Variants in OR2M4 observed in about 807,000 individuals in gnomAD.
OR2M4 encodes olfactory receptor family 2 subfamily M member 4.
A neutral mutation model predicts 13.7 loss-of-function variants in OR2M4; 8 were observed. The ratio of observed to expected loss-of-function variants is 0.58; its 90% CI spans 0.34 to 1.05. OR2M4 has a LOEUF of 1.05. Ranked by LOEUF, OR2M4 falls within the 50% of genes least tolerant of loss-of-function variation. The probability of loss-of-function intolerance (pLI) is 0.02; values close to 1 mark genes in which losing one functional copy is unlikely to be tolerated. For missense variants in OR2M4, 374 were observed against 381.6 expected, an observed-to-expected ratio of 0.98 and a Z score of 0.17; for synonymous variants, 152 against 141.3, an observed-to-expected ratio of 1.08 and a Z score of -0.53.
chr1:248,235,412 G>C (rs988112956), intron 1 of OR2M4, among the ~76,000 whole-genome samples: 1 of 152,148 alleles, frequency 6.6e-6, no homozygotes. Context: ...CTGTAGCCTT[G>C]TAGTAAAGTT....
At position 248,243,543 on chromosome 1, in the gene OR2M4, A is replaced by C. The variant is rs1666637347; in HGVS notation, c.*3679A>C. ...GGCAGAGGCCACAGCAGAGAGAGCT[A>C]CCTTTCAGCATGTACAGAAATTAAC... On this transcript the variant is annotated 3_prime_UTR_variant, in exon 2 of 2. Coordinates refer to ENST00000641868, the MANE Select transcript of OR2M4 (RefSeq NM_017504.2). The C allele has an allele frequency of 6.6e-6, 1 of 152,228 alleles. No homozygotes were observed. The highest frequency in any genetic ancestry group is 6.5e-5 in the Admixed American group (1 of 15,282). The allele number at this position is 152,228 out of a possible 1,614,324, so 9.4% of individuals were successfully genotyped here.
At chr1:248,231,831 T>C (rs1666508431) in intron 1 of OR2M4, among the ~76,000 whole-genome samples, 1 of 152,160 alleles carries the variant, frequency 6.6e-6, no homozygotes, top group Non-Finnish European at 1.5e-5. Flanking sequence ...ACTCTCTTTC[T>C]GTTTCATACT....
chr1:248,240,004 A>T lies in OR2M4; in HGVS notation c.*140A>T. 1 of 580,120 alleles carries T rather than the reference A, an allele frequency of 1.7e-6. No individual in the cohort carries two copies. Among genetic ancestry groups the T allele is most frequent in the Non-Finnish European group, 2.9e-6 (1 of 339,482 alleles). The allele number at this position is 580,120 out of a possible 1,614,324, so 35.9% of individuals were successfully genotyped here. ...CTTTTCAAAATTATCTATTCAGTAT[A>T]TTATTACATATACATCGTTTGTATA... is the stretch of plus-strand genomic sequence containing the variant. On this transcript the variant is annotated 3_prime_UTR_variant, in exon 2 of 2. Transcript: ENST00000641868.
At chr1:248,233,344 G>A (rs4474292) in intron 1 of OR2M4, among the ~76,000 whole-genome samples, 105,931 of 152,008 alleles carry the variant, frequency 0.7, 37,761 homozygotes, top group South Asian at 0.89. Context: ...TACTTGGTTT[G>A]ATGTACAAAT....
chr1:248,235,946 A>G (rs946058975), intron 1 of OR2M4, among the ~76,000 whole-genome samples: 8 of 152,142 alleles, frequency 5.3e-5, no homozygotes, highest in South Asian at 2.1e-4. Context: ...ATCTGCAAAC[A>G]GAGACAATTT....
intron 1 of OR2M4, 111 bp downstream of exon 1, chr1:248,231,691 T>A (rs1451656125): frequency 1.3e-5 from 2 of 152,106 alleles, no homozygotes; most frequent in African/African-American, 4.8e-5. Flanking sequence ...ATTAAAAAGC[T>A]TTTGGAACAC....
rs1666629525 is a variant in OR2M4 at position 248,242,687 on chromosome 1, C to G, written c.*2823C>G. The G allele has an allele frequency of 6.6e-6, 1 of 152,144 alleles. No individual in the cohort carries two copies. 9.4% of individuals were successfully genotyped at this position (152,144 alleles called of 1,614,324 possible). A position where few individuals can be genotyped will look rare whatever the true frequency, so the allele number is the denominator to read the frequency against. ...GATTTACATTTTGTCAGCAACATCACACCTTATGTGAAACAGGTAAATTTA... is the reference window on the plus strand; with the variant it reads ...GATTTACATTTTGTCAGCAACATCAGACCTTATGTGAAACAGGTAAATTTA... On this transcript the variant is annotated 3_prime_UTR_variant, in exon 2 of 2. Coordinates refer to ENST00000641868, the MANE Select transcript of OR2M4 (RefSeq NM_017504.2).
At chr1:248,235,815 G>A (rs1666551195) in intron 1 of OR2M4, among the ~76,000 whole-genome samples, 1 of 152,022 alleles carries the variant, frequency 6.6e-6, no homozygotes, top group Non-Finnish European at 1.5e-5. Context: ...TATTGTTGGT[G>A]CATAGGAATG....
Position 248,233,249 on chromosome 1 carries a change from A to G in OR2M4, c.-20+1669A>G, listed in dbSNP as rs77721733. Reference sequence around the variant, plus strand: ...GCAAAAGGATTTCAAACTAGTTTTCACTTTATAAATAAAGTGTTGTGATAG... The same window carrying G: ...GCAAAAGGATTTCAAACTAGTTTTCGCTTTATAAATAAAGTGTTGTGATAG... On this transcript the variant is annotated intron_variant, in intron 1 of 1. Transcript: ENST00000641868. Among the ~76,000 whole-genome samples, 662 of 152,268 alleles carry G rather than the reference A, an allele frequency of 4.3e-3. 4 individuals carry two copies. The highest frequency in any genetic ancestry group is 0.015 in the African/African-American group (616 of 41,550).
At position 248,240,586 on chromosome 1, in the gene OR2M4, T is replaced by C. The variant is rs1666609061; in HGVS notation, c.*722T>C. 1 of 152,212 alleles carries C rather than the reference T, an allele frequency of 6.6e-6. No individual in the cohort carries two copies. Among genetic ancestry groups the C allele is most frequent in the South Asian group, 2.1e-4 (1 of 4,832 alleles). 9.4% of individuals were successfully genotyped at this position (152,212 alleles called of 1,614,324 possible). On this transcript the variant is annotated 3_prime_UTR_variant, in exon 2 of 2. Transcript: ENST00000641868. ...AGAATCTGAAGGCAGAGCAAGATGA[T>C]GGAATAGAAGGCTCCACTGATCGTT...
intron 1 of OR2M4, among the ~76,000 whole-genome samples, chr1:248,235,809 G>T (rs1044449263): frequency 6.6e-6 from 1 of 152,050 alleles, no homozygotes; most frequent in Admixed American, 6.6e-5. Flanking sequence ...CTTGTCTATT[G>T]TTGGTGCATA....
Position 248,244,166 on chromosome 1 carries a change from G to A in OR2M4, c.*4302G>A, listed in dbSNP as rs1195948925. 6.6e-6 allele frequency: 1 copy of A among 152,112 alleles called. No individual in the cohort carries two copies. The highest frequency in any genetic ancestry group is 2.4e-5 in the African/African-American group (1 of 41,416). The allele number at this position is 152,112 out of a possible 1,614,324, so 9.4% of individuals were successfully genotyped here. ...AGATTTCTCGAAGAACTTAAAACAG[G>A]GCTGCTACTTGACCCAGGAATGCTA... On this transcript the variant is annotated 3_prime_UTR_variant, in exon 2 of 2. Coordinates refer to ENST00000641868, the MANE Select transcript of OR2M4 (RefSeq NM_017504.2).
rs1312035331 is a variant in OR2M4 at position 248,241,892 on chromosome 1, G to GTAAA, written c.*2044_*2047dup. The GTAAA allele has an allele frequency of 3.3e-5, 5 of 152,150 alleles. No homozygotes were observed. The highest frequency in any genetic ancestry group is 6.6e-5 in the Admixed American group (1 of 15,258). The allele number at this position is 152,150 out of a possible 1,614,324, so 9.4% of individuals were successfully genotyped here. On this transcript the variant is annotated 3_prime_UTR_variant, in exon 2 of 2. Transcript: ENST00000641868. Reference sequence around the variant, plus strand: ...GCAACAAAAGCAAAACTCCATCTCAGTAAATAAATAAATAAATAATTTCTG... The same window carrying GTAAA: ...GCAACAAAAGCAAAACTCCATCTCAGTAAATAAATAAATAAATAAATAATTTCTG...
At chr1:248,238,195 A>G (rs1470714413) in intron 1 of OR2M4, among the ~76,000 whole-genome samples, 1 of 152,214 alleles carries the variant, frequency 6.6e-6, no homozygotes, top group African/African-American at 2.4e-5. Context: ...ATAAACAAAC[A>G]AAAAATGCAG....
At chr1:248,237,031 G>GA (rs1231293854) in intron 1 of OR2M4, among the ~76,000 whole-genome samples, 2 of 151,836 alleles carry the variant, frequency 1.3e-5, no homozygotes, top group Non-Finnish European at 2.9e-5. Flanking sequence ...CCAAACAATT[G>GA]AAAAAAGGGG....
Position 248,240,012 on chromosome 1 carries a change from A to G in OR2M4, c.*148A>G. On this transcript the variant is annotated 3_prime_UTR_variant, in exon 2 of 2. Coordinates refer to ENST00000641868, the MANE Select transcript of OR2M4 (RefSeq NM_017504.2). ...AATTATCTATTCAGTATATTATTAC[A>G]TATACATCGTTTGTATACTAAGCTA... The G allele has an allele frequency of 1.8e-6, 1 of 562,856 alleles. No individual in the cohort carries two copies. The highest frequency in any genetic ancestry group is 3.0e-5 in the East Asian group (1 of 33,678). 34.9% of individuals were successfully genotyped at this position (562,856 alleles called of 1,614,324 possible). A position where few individuals can be genotyped will look rare whatever the true frequency, so the allele number is the denominator to read the frequency against.
intron 1 of OR2M4, among the ~76,000 whole-genome samples, chr1:248,238,152 T>C (rs1260997039): frequency 6.6e-6 from 1 of 152,156 alleles, no homozygotes; most frequent in Non-Finnish European, 1.5e-5. Flanking sequence ...TGTATCAACT[T>C]AATAAAATTA....
At chr1:248,234,959 G>A (rs1666543307) in intron 1 of OR2M4, among the ~76,000 whole-genome samples, 1 of 152,026 alleles carries the variant, frequency 6.6e-6, no homozygotes, top group Non-Finnish European at 1.5e-5. Flanking sequence ...TAGGTTGCCT[G>A]TTTGCTCTGA....
chr1:248,231,989 T>C (rs982001458), intron 1 of OR2M4, among the ~76,000 whole-genome samples: 3 of 152,188 alleles, frequency 2.0e-5, no homozygotes, highest in African/African-American at 4.8e-5. Context: ...AACAATCATA[T>C]ACCAAGTGGT....
Sources: allele counts gnomAD v4.1 joint callset (sites outside exome capture counted in the v4.1 genomes callset), GRCh38; gene constraint gnomAD v4.1.1; transcripts MANE v1.5; gene names NCBI Gene and HGNC (gene_info 2026-07-23, HGNC 2026-07-21).